TRAPPC9: variants seen among roughly 807,000 people sequenced by gnomAD.
The protein encoded by TRAPPC9 is trafficking protein particle complex subunit 9.
TRAPPC9 carries 83 observed loss-of-function variants against 124.0 expected under a neutral mutation model. The ratio of observed to expected loss-of-function variants is 0.67; its 90% CI spans 0.56 to 0.80. The LOEUF (loss-of-function observed/expected upper bound fraction) is 0.80. Ranked by LOEUF, TRAPPC9 falls within the 30% of genes least tolerant of loss-of-function variation. The pLI is 0.00. For synonymous variants in TRAPPC9, 638 were observed against 617.5 expected, an observed-to-expected ratio of 1.03 and a Z score of -0.49; for missense variants, 1,302 against 1,508.3, an observed-to-expected ratio of 0.86 and a Z score of 2.27.
At chr8:140,090,869 T>G (rs1844525055) in intron 17 of TRAPPC9, among the ~76,000 whole-genome samples, 2 of 152,180 alleles carry the variant, frequency 1.3e-5, no homozygotes, top group African/African-American at 4.8e-5. Context: ...ACAGACCATT[T>G]CTAGGCCATA....
intron 17 of TRAPPC9, among the ~76,000 whole-genome samples, chr8:140,085,951 G>GT (rs1358933359): frequency 2.0e-5 from 3 of 152,094 alleles, no homozygotes; most frequent in Non-Finnish European, 2.9e-5. Flanking sequence ...AATCACTGTG[G>GT]TTTTTTCTAA....
At chr8:140,349,257 G>C (rs1436729120) in intron 9 of TRAPPC9, among the ~76,000 whole-genome samples, 1,398 of 82,352 alleles carry the variant, frequency 0.017, 23 homozygotes, top group Non-Finnish European at 0.023. Context: ...GAAGGGCACA[G>C]AGGGGGGCCG....
intron 21 of TRAPPC9, among the ~76,000 whole-genome samples, chr8:139,737,091 G>A (rs1818221087): frequency 6.6e-6 from 1 of 152,232 alleles, no homozygotes; most frequent in African/African-American, 2.4e-5. Context: ...GGAACCACAC[G>A]TGAAAGCGCG....
At position 139,776,599 on chromosome 8, in the gene TRAPPC9, C is replaced by T. The variant is rs539060749; in HGVS notation, c.3056-44397G>A. On this transcript the variant is annotated intron_variant, in intron 21 of 22. Coordinates refer to ENST00000438773, the MANE Select transcript of TRAPPC9 (RefSeq NM_001160372.4). The surrounding 1 kb of genome is among the most constrained non-coding windows in gnomAD (Gnocchi z 4.1). ...GCAGCTGTGTTCTGAACCTGGACTCCGCCACATGGCTCGGAGCCTCTGGAG... is the reference window on the plus strand; with the variant it reads ...GCAGCTGTGTTCTGAACCTGGACTCTGCCACATGGCTCGGAGCCTCTGGAG... Among the ~76,000 whole-genome samples the T allele has an allele frequency of 8.5e-5, 13 of 152,236 alleles. No individual in the cohort carries two copies. Among genetic ancestry groups the T allele is most frequent in the East Asian group, 1.9e-4 (1 of 5,138 alleles).
At chr8:140,139,933 A>G (rs1183087690) in intron 17 of TRAPPC9, among the ~76,000 whole-genome samples, 1 of 152,200 alleles carries the variant, frequency 6.6e-6, no homozygotes, top group Non-Finnish European at 1.5e-5. Flanking sequence ...TTCTGAGTTT[A>G]TGCTTTAATT....
chr8:140,436,638 C>G (rs1169420789), intron 3 of TRAPPC9, among the ~76,000 whole-genome samples: 2 of 152,130 alleles, frequency 1.3e-5, no homozygotes, highest in Non-Finnish European at 2.9e-5. Context: ...TCTCTGTGTG[C>G]CCTTTAGGAG....
intron 17 of TRAPPC9, among the ~76,000 whole-genome samples, chr8:140,126,860 G>A (rs1172549457): frequency 6.6e-6 from 1 of 152,138 alleles, no homozygotes; most frequent in African/African-American, 2.4e-5. Flanking sequence ...CTCAGTATTT[G>A]GACGACACTG....
intron 6 of TRAPPC9, among the ~76,000 whole-genome samples, chr8:140,403,994 C>G (rs1369160646): frequency 6.6e-6 from 1 of 152,012 alleles, no homozygotes; most frequent in Non-Finnish European, 1.5e-5. Context: ...CTCAAGTCAA[C>G]TTCTAGGAAT....
intron 21 of TRAPPC9, among the ~76,000 whole-genome samples, chr8:139,867,348 A>G (rs1273562771): frequency 6.6e-6 from 1 of 152,238 alleles, no homozygotes; most frequent in African/African-American, 2.4e-5. Flanking sequence ...AATAACTAAT[A>G]ATAGCAATGA....
chr8:139,831,634 C>T (rs988970412), intron 21 of TRAPPC9, among the ~76,000 whole-genome samples: 35 of 152,210 alleles, frequency 2.3e-4, no homozygotes, highest in African/African-American at 8.2e-4. Flanking sequence ...CCCCCACCGC[C>T]GCAGCCTGTG....
At chr8:140,393,978 C>T (rs1408587352) in intron 7 of TRAPPC9, among the ~76,000 whole-genome samples, 1 of 152,240 alleles carries the variant, frequency 6.6e-6, no homozygotes, top group Admixed American at 6.5e-5. Context: ...AGCATGGGAG[C>T]GCTGTTCCCC....
chr8:140,035,245 T>C (rs531945759), intron 17 of TRAPPC9, among the ~76,000 whole-genome samples: 2 of 152,368 alleles, frequency 1.3e-5, no homozygotes, highest in Admixed American at 1.3e-4. Context: ...AAACACTCTC[T>C]GGCCATAGGA....
At chr8:140,206,803 C>T (rs2062930222) in intron 17 of TRAPPC9, among the ~76,000 whole-genome samples, 1 of 151,512 alleles carries the variant, frequency 6.6e-6, no homozygotes. Context: ...CTTGTTTTTG[C>T]TGAGGCTGGT....
chr8:139,846,817 G>A (rs994048859), intron 21 of TRAPPC9, among the ~76,000 whole-genome samples: 1 of 152,228 alleles, frequency 6.6e-6, no homozygotes, highest in Non-Finnish European at 1.5e-5. Context: ...GTCTGTGGAG[G>A]AGGCCCAGGG....
At chr8:140,047,858 C>T (rs540990802) in intron 17 of TRAPPC9, among the ~76,000 whole-genome samples, 1 of 152,338 alleles carries the variant, frequency 6.6e-6, no homozygotes, top group South Asian at 2.1e-4. Context: ...CTTTCCATGA[C>T]CCAGCAGAGG....
chr8:140,344,398 G>A (rs2067276779), intron 9 of TRAPPC9, among the ~76,000 whole-genome samples: 1 of 152,208 alleles, frequency 6.6e-6, no homozygotes, highest in African/African-American at 2.4e-5. Flanking sequence ...GTGGGGAGAA[G>A]TTACATGACT....
intron 17 of TRAPPC9, among the ~76,000 whole-genome samples, chr8:140,046,613 C>G (rs1242490683): frequency 6.6e-6 from 1 of 152,224 alleles, no homozygotes; most frequent in Non-Finnish European, 1.5e-5. Flanking sequence ...ATCTTACAGG[C>G]TTTGTGCTTT....
intron 21 of TRAPPC9, among the ~76,000 whole-genome samples, chr8:139,850,235 A>T (rs1827357767): frequency 6.6e-6 from 1 of 152,236 alleles, no homozygotes; most frequent in South Asian, 2.1e-4. Flanking sequence ...TTGAATGTCT[A>T]CCATGGGCTG....
At chr8:140,017,621 T>TAC (rs1839551441) in intron 18 of TRAPPC9, among the ~76,000 whole-genome samples, 1 of 151,994 alleles carries the variant, frequency 6.6e-6, no homozygotes. Flanking sequence ...CTCTTGATTA[T>TAC]TATAGCTTTA....
Sources: gnomAD v4.1 joint callset for allele counts (sites outside exome capture counted in the v4.1 genomes callset) on GRCh38, gnomAD v4.1.1 for gene constraint, Gnocchi (gnomAD v3.1) non-coding constraint, MANE v1.5 for transcripts, NCBI Gene and HGNC (gene_info 2026-07-23, HGNC 2026-07-21) for gene names.